The following EML6 variants were observed in gnomAD, a reference collection of about 807,000 sequenced individuals.
EML6 encodes echinoderm microtubule-associated protein-like 6.
In EML6, 154 loss-of-function variants were observed where a neutral mutation model predicts 240.1. The observed-to-expected ratio is 0.64, with a 90% CI of 0.56 to 0.73. The LOEUF is 0.73. Among genes scored for constraint, EML6 ranks in the 30% least tolerant of loss-of-function variants. The pLI is 0.00. For synonymous variants in EML6, 1,148 were observed against 899.0 expected, an observed-to-expected ratio of 1.28 and a Z score of -4.95; for missense variants, 2,964 against 2,474.6, an observed-to-expected ratio of 1.20 and a Z score of -4.20.
Position 54,962,483 on chromosome 2 carries a change from A to G in EML6, c.4969-40A>G, listed in dbSNP as rs781558882. The G allele has an allele frequency of 4.2e-5, 61 of 1,447,512 alleles. 1 individual carries two copies. The highest frequency in any genetic ancestry group is 1.8e-4 in the East Asian group (7 of 39,566). 89.7% of individuals were successfully genotyped at this position (1,447,512 alleles called of 1,614,324 possible). On this transcript the variant is annotated intron_variant, in intron 35 of 41. Transcript: ENST00000356458. ...ATACCTCATATGAGTGCAGTCATAC[A>G]GTATTTGTCCTTTTTCTAATAGTGT...
chr2:54,929,449 G>A (rs1674737459), intron 28 of EML6, among the ~76,000 whole-genome samples: 1 of 152,198 alleles, frequency 6.6e-6, no homozygotes, highest in South Asian at 2.1e-4. Flanking sequence ...TTCATGCTAA[G>A]AGTGGATATT....
intron 28 of EML6, among the ~76,000 whole-genome samples, chr2:54,941,038 A>C (rs1027091455): frequency 1.3e-5 from 2 of 152,214 alleles, no homozygotes; most frequent in Non-Finnish European, 2.9e-5. Flanking sequence ...CACCGTATAT[A>C]AGTAATCCCA....
chr2:54,912,886 T>C (rs1673714195), intron 25 of EML6, among the ~76,000 whole-genome samples: 1 of 152,150 alleles, frequency 6.6e-6, no homozygotes, highest in Admixed American at 6.5e-5. Context: ...ACATGTGTCT[T>C]TTTGGTAGAA....
chr2:54,935,444 G>T (rs982221222), intron 28 of EML6, among the ~76,000 whole-genome samples: 3 of 152,182 alleles, frequency 2.0e-5, no homozygotes, highest in Non-Finnish European at 2.9e-5. Context: ...TTTTGCGTAT[G>T]TTTTTATTAC....
At chr2:54,853,388 T>G (rs538098024) in intron 10 of EML6, among the ~76,000 whole-genome samples, 1 of 152,298 alleles carries the variant, frequency 6.6e-6, no homozygotes, top group East Asian at 1.9e-4. Flanking sequence ...ATTCATAGAA[T>G]GTGTAGTGAT....
intron 2 of EML6, among the ~76,000 whole-genome samples, chr2:54,786,640 G>A (rs1394390905): frequency 6.6e-6 from 1 of 152,304 alleles, no homozygotes; most frequent in East Asian, 1.9e-4. Flanking sequence ...CCATTATACT[G>A]AGTTTCTGGC....
At chr2:54,926,890 C>T (rs1257107024) in intron 26 of EML6, among the ~76,000 whole-genome samples, 1 of 152,124 alleles carries the variant, frequency 6.6e-6, no homozygotes, top group Non-Finnish European at 1.5e-5. Context: ...TCTAGAAACC[C>T]TGTGTCCCTC....
chr2:54,963,686 C>G (rs1676625294), intron 36 of EML6, among the ~76,000 whole-genome samples: 1 of 152,192 alleles, frequency 6.6e-6, no homozygotes, highest in Non-Finnish European at 1.5e-5. Flanking sequence ...GCTACAGTGG[C>G]AAAGGTGAGT....
chr2:54,814,408 G>A (rs1257244376), intron 3 of EML6, among the ~76,000 whole-genome samples: 1 of 152,198 alleles, frequency 6.6e-6, no homozygotes, highest in Non-Finnish European at 1.5e-5. Flanking sequence ...AAGATAGGTT[G>A]ATACGTTCTA....
intron 25 of EML6, among the ~76,000 whole-genome samples, chr2:54,915,861 C>G (rs1158607230): frequency 6.6e-6 from 1 of 152,040 alleles, no homozygotes; most frequent in Non-Finnish European, 1.5e-5. Flanking sequence ...TCTAAAGAAA[C>G]TGGAATATTA....
At chr2:54,894,735 T>TG (rs2104133263) in intron 19 of EML6, among the ~76,000 whole-genome samples, 180 bp from the exon 20 acceptor site, 1 of 152,296 alleles carries the variant, frequency 6.6e-6, no homozygotes, top group East Asian at 1.9e-4. Context: ...TAGGGAAGTA[T>TG]GGGAGAAATG....
At chr2:54,935,083 A>G (rs1021234789) in intron 28 of EML6, among the ~76,000 whole-genome samples, 7 of 152,196 alleles carry the variant, frequency 4.6e-5, no homozygotes, top group African/African-American at 1.7e-4. Context: ...TGTAGGCTCA[A>G]CAAATTTTCA....
chr2:54,819,258 C>A (rs148834747), intron 4 of EML6, among the ~76,000 whole-genome samples: 1 of 152,132 alleles, frequency 6.6e-6, no homozygotes, highest in Non-Finnish European at 1.5e-5. Context: ...TCATGGAATG[C>A]GTTCCATGGA....
In EML6 at chr2:54,917,360, T is replaced by C. The variant is rs9751099; in HGVS notation, c.3675+425T>C. ...TCTCTTCTTCCCTTTTTTTTTTTGT[T>C]TTTTTTTTTTTTTTTGTTTTTTGAG... On this transcript the variant is annotated intron_variant, in intron 26 of 41. Coordinates refer to ENST00000356458, the MANE Select transcript of EML6 (RefSeq NM_001039753.4). Among the ~76,000 whole-genome samples the C allele has an allele frequency of 2.4e-4, 6 of 25,254 alleles. No homozygotes were observed. The African/African-American group carries it at 3.1e-3, about 13-fold the overall frequency. The allele number at this position is 25,254 out of a possible 152,430, so 16.6% of individuals were successfully genotyped here.
intron 7 of EML6, among the ~76,000 whole-genome samples, chr2:54,837,313 G>A (rs1669203935): frequency 6.6e-6 from 1 of 152,024 alleles, no homozygotes; most frequent in Admixed American, 6.6e-5. Flanking sequence ...TCCCCCTATT[G>A]CTAGCTTGCT....
At chr2:54,853,896 C>A (rs79497035) in intron 11 of EML6, 41 bp downstream of exon 11, 5 of 1,358,416 alleles carry the variant, frequency 3.7e-6, no homozygotes, top group Non-Finnish European at 4.1e-6. Flanking sequence ...AAGATTTACT[C>A]TAAACTGTAT....
intron 11 of EML6, among the ~76,000 whole-genome samples, chr2:54,858,101 T>C (rs1180022997): frequency 6.6e-6 from 1 of 152,154 alleles, no homozygotes; most frequent in Non-Finnish European, 1.5e-5. Context: ...GAGGTTGCAG[T>C]CATGTGAAGG....
In EML6 at chr2:54,967,065, C is replaced by T. The variant is rs774624867; in HGVS notation, c.5559C>T (p.Ala1853=). ...CCCTGGGGAAGCAGGTAACTGAAGC[C>T]GTGGTCATTGAGAAGATCACCTGGG... ...EVPLGKQVTE[A]VVIEKITWAS... Residue 1853 remains alanine (A), a synonymous_variant, in exon 39 of 42, where the codon GCC becomes GCT. Coordinates refer to ENST00000356458, the MANE Select transcript of EML6 (RefSeq NM_001039753.4). The T allele has an allele frequency of 5.5e-5, 85 of 1,551,296 alleles. No individual in the cohort carries two copies. The highest frequency in any genetic ancestry group is 4.8e-4 in the South Asian group (40 of 84,042).
chr2:54,897,577 T>C (rs1672835702), intron 21 of EML6, among the ~76,000 whole-genome samples: 1 of 152,194 alleles, frequency 6.6e-6, no homozygotes, highest in Admixed American at 6.5e-5. Context: ...CCCACATCTC[T>C]TAGCTTGGAC....
Sources: allele counts gnomAD v4.1 joint callset (sites outside exome capture counted in the v4.1 genomes callset), GRCh38; gene constraint gnomAD v4.1.1; transcripts MANE v1.5; gene names NCBI Gene and HGNC (gene_info 2026-07-23, HGNC 2026-07-21).